The following MEIS2 variants were observed in gnomAD, a reference collection of about 807,000 sequenced individuals.
The protein encoded by MEIS2 is Meis homeobox 2.
A neutral mutation model predicts 58.6 loss-of-function variants in MEIS2; 9 were observed. The ratio of observed to expected loss-of-function variants is 0.15; its 90% CI spans 0.09 to 0.27. The LOEUF (loss-of-function observed/expected upper bound fraction) is 0.27, where lower values mean the gene tolerates loss of function less well. Among genes scored for constraint, MEIS2 ranks in the 10% least tolerant of loss-of-function variants. MEIS2 has a pLI of 1.00. For missense variants in MEIS2, 427 were observed against 635.0 expected (o/e 0.67, Z 3.52); for synonymous variants, 221 against 228.4 (o/e 0.97, Z 0.29).
Position 36,968,760 on chromosome 15 carries a change from TATTC to T in MEIS2, c.901-18364_901-18361del, listed in dbSNP as rs1461031351. Among the ~76,000 whole-genome samples, 5 of 152,330 alleles carry T rather than the reference TATTC, an allele frequency of 3.3e-5. No individual in the cohort carries two copies. The East Asian group carries it at 7.7e-4, about 23-fold the overall frequency. ...TATCTGGGTCACACTTCATTTATAT[TATTC>T]ATTTAGGAGAGATATACATTATAGT... is the stretch of plus-strand genomic sequence containing the variant. On this transcript the variant is annotated intron_variant, in intron 8 of 11. Coordinates refer to ENST00000561208, the MANE Select transcript of MEIS2 (RefSeq NM_170675.5).
At chr15:36,933,831 G>T (rs2058068750) in intron 9 of MEIS2, among the ~76,000 whole-genome samples, 1 of 152,136 alleles carries the variant, frequency 6.6e-6, no homozygotes, top group Admixed American at 6.5e-5. Context: ...ACTCATAAGG[G>T]TGTTAGGAAA....
intron 7 of MEIS2, among the ~76,000 whole-genome samples, chr15:37,038,807 T>G (rs990653798): frequency 1.3e-5 from 2 of 152,130 alleles, no homozygotes; most frequent in African/African-American, 4.8e-5. Context: ...TACACCGGAG[T>G]GTCGCCTGGA....
At chr15:37,009,540 T>A (rs2061056266) in intron 8 of MEIS2, among the ~76,000 whole-genome samples, 1 of 152,206 alleles carries the variant, frequency 6.6e-6, no homozygotes, top group South Asian at 2.1e-4. Flanking sequence ...TGGAGAAACA[T>A]TTACACAAAA....
At position 36,890,147 on chromosome 15, in the gene MEIS2, T is replaced by C. The variant is rs1047441508; in HGVS notation, c.*2026A>G. ...GATGATGAATAATTTCCTTAGCCGG[T>C]TGACATCACATATCTAGCCAAAGTA... On this transcript the variant is annotated 3_prime_UTR_variant, in exon 12 of 12. Coordinates refer to ENST00000561208, the MANE Select transcript of MEIS2 (RefSeq NM_170675.5). The C allele has an allele frequency of 2.2e-4, 33 of 152,214 alleles. No individual in the cohort carries two copies. The highest frequency in any genetic ancestry group is 1.3e-3 in the Admixed American group (20 of 15,286). The allele number at this position is 152,214 out of a possible 1,614,324, so 9.4% of individuals were successfully genotyped here. A position where few individuals can be genotyped will look rare whatever the true frequency, so the allele number is the denominator to read the frequency against.
At chr15:37,045,646 A>C (rs2062631892) in intron 7 of MEIS2, among the ~76,000 whole-genome samples, 1 of 152,194 alleles carries the variant, frequency 6.6e-6, no homozygotes, top group South Asian at 2.1e-4. Flanking sequence ...TAGACCCAGA[A>C]ACACGGGGAG....
At chr15:37,006,693 G>C (rs897099249) in intron 8 of MEIS2, among the ~76,000 whole-genome samples, 1 of 152,224 alleles carries the variant, frequency 6.6e-6, no homozygotes, top group African/African-American at 2.4e-5. Context: ...ATGCAGAACT[G>C]TTCGTTGTTC....
At chr15:36,997,759 G>T (rs1377773926) in intron 8 of MEIS2, among the ~76,000 whole-genome samples, 1 of 152,126 alleles carries the variant, frequency 6.6e-6, no homozygotes, top group East Asian at 1.9e-4. Context: ...GGGATTACAG[G>T]CATGAGCCAC....
chr15:37,072,592 C>T (rs972353487), intron 7 of MEIS2, among the ~76,000 whole-genome samples: 4 of 152,134 alleles, frequency 2.6e-5, no homozygotes, highest in Non-Finnish European at 5.9e-5. Flanking sequence ...TGCGCCTTCG[C>T]GCTGGCTGTT....
chr15:36,949,884 TA>T (rs1325082004), intron 9 of MEIS2, among the ~76,000 whole-genome samples: 2 of 151,928 alleles, frequency 1.3e-5, no homozygotes, highest in Non-Finnish European at 2.9e-5. Flanking sequence ...TAGGAGATAC[TA>T]AAAAGCCTGT....
At position 36,917,311 on chromosome 15, in the gene MEIS2, G is replaced by T. The variant is rs368950270; in HGVS notation, c.978-20625C>A. The stretch of plus-strand genomic sequence containing the variant: ...CTTATCTAAATTTGAAAGCCAGTAG[G>T]TTCTAAGGAAGAATATAGAAAAACA... On this transcript the variant is annotated intron_variant, in intron 9 of 11. Coordinates refer to ENST00000561208, the MANE Select transcript of MEIS2 (RefSeq NM_170675.5). 2.0e-5 allele frequency among the ~76,000 whole-genome samples: 3 copies of T among 152,298 alleles called. No homozygotes were observed. The South Asian group carries it at 6.2e-4, about 32-fold the overall frequency.
chr15:37,042,736 T>C (rs553237408), intron 7 of MEIS2, among the ~76,000 whole-genome samples: 5 of 152,330 alleles, frequency 3.3e-5, no homozygotes, highest in African/African-American at 1.2e-4. Context: ...CAAATAGAAA[T>C]GTGCTAACTC....
At chr15:36,975,438 AG>A (rs2059708539) in intron 8 of MEIS2, among the ~76,000 whole-genome samples, 1 of 148,832 alleles carries the variant, frequency 6.7e-6, no homozygotes, top group Non-Finnish European at 1.5e-5. Flanking sequence ...AAACTTCTTA[AG>A]GCCAGGCGGT....
intron 8 of MEIS2, among the ~76,000 whole-genome samples, chr15:36,991,266 T>G (rs572005266): frequency 1.4e-4 from 22 of 151,776 alleles, no homozygotes; most frequent in Admixed American, 5.9e-4. Flanking sequence ...TTTTTTTTTT[T>G]TGTGCAAACT....
intron 9 of MEIS2, among the ~76,000 whole-genome samples, chr15:36,917,750 T>A (rs1339041096): frequency 6.6e-6 from 1 of 152,124 alleles, no homozygotes; most frequent in Non-Finnish European, 1.5e-5. Flanking sequence ...AGTTTCAGGG[T>A]CAATGACAGA....
At chr15:37,076,433 CATG>C (rs1891426383) in intron 7 of MEIS2, among the ~76,000 whole-genome samples, 2 of 151,984 alleles carry the variant, frequency 1.3e-5, no homozygotes, top group Admixed American at 6.6e-5. Context: ...GAAAAATCAG[CATG>C]ATAACAGAGC....
intron 2 of MEIS2, 24 bp downstream of exon 2, chr15:37,097,943 G>C: frequency 1.3e-6 from 2 of 1,566,780 alleles, no homozygotes; most frequent in Non-Finnish European, 1.7e-6. Flanking sequence ...CACACAGTAA[G>C]CTGGGTCCGG....
rs143837549 is a variant in MEIS2, at chr15:37,059,972, G to A, written c.755-23013C>T. ...TAGAAACAGGGTCTCACGCTGTCAC[G>A]CAGGCTGGAGGGCAGTGGCATGATC... On this transcript the variant is annotated intron_variant, in intron 7 of 11. Transcript: ENST00000561208. 1.9e-3 allele frequency among the ~76,000 whole-genome samples: 293 copies of A among 152,170 alleles called. 1 individual carries two copies. The highest frequency in any genetic ancestry group is 6.5e-3 in the African/African-American group (269 of 41,500).
intron 7 of MEIS2, among the ~76,000 whole-genome samples, chr15:37,052,665 C>T (rs988143312): frequency 3.9e-5 from 6 of 152,186 alleles, no homozygotes; most frequent in African/African-American, 1.2e-4. Context: ...ATTAGATAAT[C>T]GATAAAGGTT....
chr15:37,080,646 C>T (rs753323737), intron 7 of MEIS2, among the ~76,000 whole-genome samples: 1 of 152,116 alleles, frequency 6.6e-6, no homozygotes, highest in African/African-American at 2.4e-5. Flanking sequence ...ACAAAGAGGG[C>T]CAGTTACTTC....
Sources: allele counts gnomAD v4.1 joint callset (sites outside exome capture counted in the v4.1 genomes callset), GRCh38; gene constraint gnomAD v4.1.1; transcripts MANE v1.5; gene names NCBI Gene and HGNC (gene_info 2026-07-23, HGNC 2026-07-21).